The following SDK1 variants were observed in gnomAD, a reference collection of about 807,000 sequenced individuals.
The protein encoded by SDK1 is sidekick cell adhesion molecule 1.
Under a neutral mutation model 245.5 loss-of-function variants are expected in SDK1, and 157 were observed. The ratio of observed to expected loss-of-function variants is 0.64; its 90% CI spans 0.56 to 0.73. SDK1 has a LOEUF of 0.73. Among genes scored for constraint, SDK1 ranks in the 30% least tolerant of loss-of-function variants. The pLI, the probability that SDK1 is intolerant of heterozygous loss-of-function variation, is 0.00. For synonymous variants in SDK1, 1,647 were observed against 1,278.5 expected (o/e 1.29, Z -6.15); for missense variants, 3,583 against 3,002.3 (o/e 1.19, Z -4.52).
intron 2 of SDK1, among the ~76,000 whole-genome samples, chr7:3,619,581 T>G (rs1327628096): frequency 6.6e-6 from 1 of 152,238 alleles, no homozygotes; most frequent in African/African-American, 2.4e-5. Context: ...GTATTGCTCC[T>G]GTCTAGGCAC....
chr7:4,209,016 C>T (rs1004989591), intron 37 of SDK1, among the ~76,000 whole-genome samples: 1 of 152,202 alleles, frequency 6.6e-6, no homozygotes, highest in African/African-American at 2.4e-5. Flanking sequence ...TGGGCAGAGA[C>T]GCAGGGCTCA....
chr7:3,935,348 T>C (rs1055327139), intron 5 of SDK1, among the ~76,000 whole-genome samples: 11 of 152,188 alleles, frequency 7.2e-5, no homozygotes, highest in Non-Finnish European at 2.9e-5. Flanking sequence ...TTAGGAATGA[T>C]ATTGATAACA....
intron 5 of SDK1, among the ~76,000 whole-genome samples, chr7:3,845,038 G>A (rs912837946): frequency 3.9e-5 from 6 of 152,204 alleles, no homozygotes; most frequent in African/African-American, 1.4e-4. Context: ...ACTACCTGGA[G>A]CAGAGAGGCA....
At chr7:3,364,024 G>A (rs973329981) in intron 1 of SDK1, among the ~76,000 whole-genome samples, 3 of 152,062 alleles carry the variant, frequency 2.0e-5, no homozygotes, top group Admixed American at 6.5e-5. Flanking sequence ...CCTTATTTTG[G>A]TTTTAATTTG....
At chr7:3,959,994 G>T (rs1450742666) in intron 8 of SDK1, among the ~76,000 whole-genome samples, 1 of 152,086 alleles carries the variant, frequency 6.6e-6, no homozygotes. Flanking sequence ...TTGTATTCTG[G>T]CAACTATCAG....
At chr7:3,745,503 A>C (rs532697457) in intron 4 of SDK1, among the ~76,000 whole-genome samples, 22 of 151,802 alleles carry the variant, frequency 1.4e-4, no homozygotes, top group Non-Finnish European at 3.2e-4. Flanking sequence ...AACGTTACTC[A>C]GTTTTCACTG....
intron 5 of SDK1, among the ~76,000 whole-genome samples, chr7:3,913,185 C>G (rs539595848): frequency 6.6e-6 from 1 of 152,162 alleles, no homozygotes; most frequent in African/African-American, 2.4e-5. Context: ...GGAAATGCCT[C>G]CAGCTCCTGG....
chr7:4,074,914 ATATTTTTTTT>A (rs1780556890), intron 20 of SDK1, among the ~76,000 whole-genome samples: 1 of 77,126 alleles, frequency 1.3e-5, no homozygotes, highest in African/African-American at 1.0e-4. Context: ...ATATATATAT[ATATTTTTTTT>A]TTTTTTTAAT....
intron 1 of SDK1, among the ~76,000 whole-genome samples, chr7:3,424,285 A>G (rs1428222991): frequency 6.6e-6 from 1 of 152,194 alleles, no homozygotes; most frequent in Non-Finnish European, 1.5e-5. Context: ...TTTTGTGCCC[A>G]TATGTGTGAT....
intron 1 of SDK1, among the ~76,000 whole-genome samples, chr7:3,414,302 A>G (rs538222237): frequency 7.9e-5 from 12 of 152,074 alleles, no homozygotes; most frequent in African/African-American, 2.9e-4. Context: ...GGAGAATGTG[A>G]CGGAATGGAC....
rs1160701129 is a variant in SDK1 at position 3,592,561 on chromosome 7, GTTAT to G, written c.299-26508_299-26505del. Among the ~76,000 whole-genome samples the G allele has an allele frequency of 3.3e-5, 5 of 152,224 alleles. No individual in the cohort carries two copies. In the East Asian group the frequency reaches 7.7e-4, roughly 24 times the overall value. ...TGCTGATGAATTCTGCCCAGTGAAG[GTTAT>G]TTATTTATTTTTCCCTGAGCTGGAT... On this transcript the variant is annotated intron_variant, in intron 1 of 44. Coordinates refer to ENST00000404826, the MANE Select transcript of SDK1 (RefSeq NM_152744.4).
chr7:3,749,447 G>A (rs1187585883), intron 4 of SDK1, among the ~76,000 whole-genome samples: 1 of 152,162 alleles, frequency 6.6e-6, no homozygotes, highest in Non-Finnish European at 1.5e-5. Flanking sequence ...TTACAGGCGT[G>A]TACCACCACG....
intron 4 of SDK1, among the ~76,000 whole-genome samples, chr7:3,818,979 C>T (rs1779578887): frequency 2.6e-5 from 4 of 152,148 alleles, no homozygotes; most frequent in Admixed American, 2.6e-4. Flanking sequence ...AGAAAGAAGA[C>T]AGGATGGGCA....
intron 4 of SDK1, among the ~76,000 whole-genome samples, chr7:3,788,482 C>G (rs999510082): frequency 6.6e-6 from 1 of 152,146 alleles, no homozygotes; most frequent in East Asian, 1.9e-4. Context: ...GTGGAATTAT[C>G]TCCCGAAGGC....
intron 4 of SDK1, among the ~76,000 whole-genome samples, chr7:3,791,213 C>T (rs1463175609): frequency 6.6e-6 from 1 of 151,618 alleles, no homozygotes; most frequent in Non-Finnish European, 1.5e-5. Flanking sequence ...GCAGACAAAA[C>T]CTGAGCTTAG....
At chr7:4,002,511 G>T (rs539727543) in intron 14 of SDK1, among the ~76,000 whole-genome samples, 1 of 152,074 alleles carries the variant, frequency 6.6e-6, no homozygotes, top group Non-Finnish European at 1.5e-5. Context: ...ATTACCCAAA[G>T]CATTGAACAA....
chr7:3,528,029 G>T (rs1404579612), intron 1 of SDK1, among the ~76,000 whole-genome samples: 1 of 150,474 alleles, frequency 6.6e-6, no homozygotes, highest in Non-Finnish European at 1.5e-5. Flanking sequence ...AGTAATGTTG[G>T]ATGATAGTCA....
At chr7:3,764,128 A>G (rs566940780) in intron 4 of SDK1, among the ~76,000 whole-genome samples, 1 of 152,272 alleles carries the variant, frequency 6.6e-6, no homozygotes, top group East Asian at 1.9e-4. Flanking sequence ...TATTTTTATA[A>G]TTCTACTTTG....
At chr7:3,625,331 C>T (rs888129814) in intron 2 of SDK1, among the ~76,000 whole-genome samples, 2 of 152,126 alleles carry the variant, frequency 1.3e-5, no homozygotes, top group South Asian at 2.1e-4. Flanking sequence ...TTTTTAATTG[C>T]CCATTTGCTT....
Sources: allele counts gnomAD v4.1 joint callset (sites outside exome capture counted in the v4.1 genomes callset), GRCh38; gene constraint gnomAD v4.1.1; transcripts MANE v1.5; gene names NCBI Gene and HGNC (gene_info 2026-07-23, HGNC 2026-07-21).